MDH1: variants seen among roughly 807,000 people sequenced by gnomAD.
MDH1 encodes the protein malate dehydrogenase 1.
In MDH1, 15 loss-of-function variants were observed where a neutral mutation model predicts 38.7. The ratio of observed to expected loss-of-function variants is 0.39; its 90% CI spans 0.26 to 0.60. The LOEUF is 0.60. MDH1 is among the 20% of genes least tolerant of loss of function. MDH1 has a pLI of 0.56. For synonymous variants in MDH1, 144 were observed against 143.6 expected (o/e 1.00, Z -0.02); for missense variants, 368 against 405.2 (o/e 0.91, Z 0.79).
intron 3 of MDH1, 126 bp downstream of exon 3, chr2:63,595,645 C>T: frequency 1.5e-6 from 1 of 648,484 alleles, no homozygotes; most frequent in East Asian, 2.7e-5. Context: ...TTTTGAACTA[C>T]CACTGTTTAT....
chr2:63,606,069 G>C (rs776453729), intron 8 of MDH1, 41 bp downstream of exon 8: 2 of 1,528,464 alleles, frequency 1.3e-6, no homozygotes, highest in Middle Eastern at 1.7e-4. Flanking sequence ...TGAGGAAGTA[G>C]TTATATGTTT....
chr2:63,594,165 T>C, intron 1 of MDH1: 1 of 485,664 alleles, frequency 2.1e-6, no homozygotes, highest in South Asian at 1.6e-5. Flanking sequence ...TGTGTGGCTC[T>C]AGTGGCTGCC....
In MDH1 at chr2:63,597,394, C is replaced by A. The variant is rs78810459; in HGVS notation, c.200-5C>A. 2.6e-4 allele frequency: 359 copies of A among 1,384,644 alleles called. 2 individuals carry two copies. The East Asian group carries it at 9.4e-3, about 36-fold the overall frequency. The allele number at this position is 1,384,644 out of a possible 1,614,324, so 85.8% of individuals were successfully genotyped here. ...AGCTCTGCGTATTTATTGCCATGTC[C>A]ACAGATGTCATCGCAACAGATAAAG... is the stretch of plus-strand genomic sequence containing the variant. On this transcript the variant is annotated splice_region_variant and splice_polypyrimidine_tract_variant and intron_variant, in intron 3 of 8. Transcript: ENST00000233114.
intron 8 of MDH1, 70 bp from the exon 9 acceptor site, chr2:63,606,792 C>A: frequency 8.1e-7 from 1 of 1,240,028 alleles, no homozygotes; most frequent in Non-Finnish European, 1.1e-6. Context: ...AATATAAGTT[C>A]AAACAAGGTT....
chr2:63,593,181 C>T (rs1039792481), intron 1 of MDH1: 1 of 162,956 alleles, frequency 6.1e-6, no homozygotes, highest in Non-Finnish European at 1.4e-5. Context: ...ACTCACTCAA[C>T]CTCTGCCTCC....
chr2:63,601,158 G>A (rs936858595), intron 5 of MDH1, among the ~76,000 whole-genome samples: 1 of 152,186 alleles, frequency 6.6e-6, no homozygotes, highest in Non-Finnish European at 1.5e-5. Context: ...GCTAGGCATT[G>A]TTTCAGCATG....
rs1709516617 is a variant in MDH1, at chr2:63,605,831, T to A, written c.790-108T>A. The A allele has an allele frequency of 3.4e-6, 3 of 873,996 alleles. No homozygotes were observed. The South Asian group carries it at 4.1e-5, about 12-fold the overall frequency. 54.1% of individuals were successfully genotyped at this position (873,996 alleles called of 1,614,324 possible). On this transcript the variant is annotated intron_variant, in intron 7 of 8. Transcript: ENST00000233114. ...CTGATGATAGTTCCTTACACAGTAA[T>A]GATGTTATGAACATAGTAAGAAAGG...
chr2:63,601,292 T>G (rs1332422458), intron 5 of MDH1, among the ~76,000 whole-genome samples: 1 of 152,188 alleles, frequency 6.6e-6, no homozygotes, highest in Non-Finnish European at 1.5e-5. Context: ...ACAGGACTGG[T>G]TGCTAGATAT....
intron 2 of MDH1, chr2:63,594,919 A>G (rs1709275418): frequency 3.8e-6 from 1 of 264,072 alleles, no homozygotes; most frequent in Non-Finnish European, 7.3e-6. Flanking sequence ...TTGTTCATAA[A>G]TGGCCTTTGG....
At chr2:63,606,120 G>A (rs963540745) in intron 8 of MDH1, 92 bp downstream of exon 8, 50 of 1,206,936 alleles carry the variant, frequency 4.1e-5, no homozygotes, top group Non-Finnish European at 5.9e-5. Flanking sequence ...AGTGGCTCAC[G>A]CCTATAATCC....
intron 1 of MDH1, 118 bp from the exon 2 acceptor site, chr2:63,594,370 A>T (rs1575720716): frequency 1.2e-6 from 1 of 829,226 alleles, no homozygotes; most frequent in Non-Finnish European, 2.1e-6. Flanking sequence ...ATGCAAAAGG[A>T]CTTTAAAATT....
chr2:63,602,934 CTTTTTTTTTTTTTTTTTTT>C lies in MDH1; in HGVS notation c.499-1737_499-1719del, dbSNP rs370479356. Among the ~76,000 whole-genome samples the C allele has an allele frequency of 2.7e-3, 348 of 131,298 alleles. 1 individual carries two copies. Among genetic ancestry groups the C allele is most frequent in the Non-Finnish European group, 4.4e-3 (259 of 59,356 alleles). The allele number at this position is 131,298 out of a possible 152,430, so 86.1% of individuals were successfully genotyped here. A position where few individuals can be genotyped will look rare whatever the true frequency, so the allele number is the denominator to read the frequency against. ...ACATAATACAGTTTATTTAACCGTT[CTTTTTTTTTTTTTTTTTTT>C]TTTTTTTTTTTTTTTTTTTTTTTTG... On this transcript the variant is annotated intron_variant, in intron 5 of 8. Coordinates refer to ENST00000233114, the MANE Select transcript of MDH1 (RefSeq NM_005917.4).
At chr2:63,605,129 TG>T (rs1709502046) in intron 6 of MDH1, 150 bp from the exon 7 acceptor site, 1 of 647,818 alleles carries the variant, frequency 1.5e-6, no homozygotes, top group Non-Finnish European at 2.7e-6. Flanking sequence ...CCAGAAGGAT[TG>T]GTAAGGCTGA....
At chr2:63,605,193 T>C in intron 6 of MDH1, 87 bp from the exon 7 acceptor site, 1 of 875,462 alleles carries the variant, frequency 1.1e-6, no homozygotes, top group Non-Finnish European at 1.8e-6. Context: ...TGGTCATAGC[T>C]TTTCACCCCA....
At chr2:63,589,778 AAGAG>A (rs1297938118) in intron 1 of MDH1, among the ~76,000 whole-genome samples, 2 of 152,162 alleles carry the variant, frequency 1.3e-5, no homozygotes, top group African/African-American at 4.8e-5. Context: ...TCTCTGCTGA[AAGAG>A]AGGGGGAGGG....
At chr2:63,604,993 G>A (rs182301337) in intron 6 of MDH1, 121 bp downstream of exon 6, 76 of 947,592 alleles carry the variant, frequency 8.0e-5, no homozygotes, top group Non-Finnish European at 1.0e-4. Flanking sequence ...GCATACTTTC[G>A]GGATCATAGT....
At chr2:63,590,723 G>T (rs1412167131) in intron 1 of MDH1, 1 of 152,188 alleles carries the variant, frequency 6.6e-6, no homozygotes, top group East Asian at 1.9e-4. Flanking sequence ...AGGCCCCACC[G>T]TTGGAAGGTC....
chr2:63,589,071 CCCA>C (rs770689202), intron 1 of MDH1, 25 bp downstream of exon 1: 15 of 1,614,012 alleles, frequency 9.3e-6, no homozygotes, highest in Non-Finnish European at 8.5e-7. Flanking sequence ...CGGGTTCCTG[CCCA>C]CCTCTGGCCC....
intron 5 of MDH1, among the ~76,000 whole-genome samples, chr2:63,602,118 C>T (rs1007954881): frequency 1.3e-5 from 2 of 152,112 alleles, no homozygotes; most frequent in African/African-American, 4.8e-5. Context: ...GGGATTAGAT[C>T]GGTCAAAAGT....
Sources: allele counts gnomAD v4.1 joint callset (sites outside exome capture counted in the v4.1 genomes callset), GRCh38; gene constraint gnomAD v4.1.1; transcripts MANE v1.5; gene names NCBI Gene and HGNC (gene_info 2026-07-23, HGNC 2026-07-21).